Variants in TRAK1 observed in about 807,000 individuals in gnomAD.
TRAK1 encodes trafficking kinesin protein 1.
In TRAK1, 33 loss-of-function variants were observed where a neutral mutation model predicts 92.1. The ratio of observed to expected loss-of-function variants is 0.36; its 90% confidence interval spans 0.27 to 0.48. The LOEUF (loss-of-function observed/expected upper bound fraction) is 0.48. Ranked by LOEUF, TRAK1 falls within the 20% of genes least tolerant of loss-of-function variation. TRAK1 has a pLI of 0.99. For synonymous variants in TRAK1, 521 were observed against 517.3 expected (o/e 1.01, Z -0.10); for missense variants, 1,123 against 1,257.9 (o/e 0.89, Z 1.62).
chr3:42,110,348 T>C (rs1178754245), intron 1 of TRAK1, among the ~76,000 whole-genome samples: 1 of 151,622 alleles, frequency 6.6e-6, no homozygotes, highest in Non-Finnish European at 1.5e-5. Flanking sequence ...GATCTGGGGC[T>C]TCTGCTAAGG....
At chr3:42,059,172 G>A (rs1576205955) in intron 1 of TRAK1, among the ~76,000 whole-genome samples, 2 of 151,614 alleles carry the variant, frequency 1.3e-5, no homozygotes, top group African/African-American at 4.9e-5. Flanking sequence ...ATGGCTTGCC[G>A]TAGCCTCAAC....
chr3:42,073,965 G>C (rs914420300), intron 1 of TRAK1, among the ~76,000 whole-genome samples: 2 of 152,174 alleles, frequency 1.3e-5, no homozygotes, highest in Non-Finnish European at 2.9e-5. Flanking sequence ...AGCAGTCTCA[G>C]CGAGTCTTTG....
intron 14 of TRAK1, among the ~76,000 whole-genome samples, chr3:42,213,834 G>A (rs774621947): frequency 2.0e-5 from 3 of 152,192 alleles, no homozygotes; most frequent in Non-Finnish European, 4.4e-5. Flanking sequence ...GAGTTCCCAT[G>A]CTGTTGGGAA....
rs926306151 is a variant in TRAK1, at chr3:42,127,715, A to G, written c.286+2101A>G. Among the ~76,000 whole-genome samples, 4 of 152,316 alleles carry G rather than the reference A, an allele frequency of 2.6e-5. No homozygotes were observed. In the East Asian group the frequency reaches 7.7e-4, roughly 29 times the overall value. On this transcript the variant is annotated intron_variant, in intron 2 of 15. Coordinates refer to ENST00000327628, the MANE Select transcript of TRAK1 (RefSeq NM_001042646.3). ...TTACAGTGTAATTGGAAGACCATCC[A>G]TGGGCAACACCACACAATTTTCAGA... is the stretch of plus-strand genomic sequence containing the variant.
intron 2 of TRAK1, among the ~76,000 whole-genome samples, chr3:42,172,158 A>G (rs1453335493): frequency 6.6e-6 from 1 of 152,094 alleles, no homozygotes; most frequent in African/African-American, 2.4e-5. Flanking sequence ...TCCCTCCTCC[A>G]GCTCCTAGGA....
At chr3:42,141,598 C>G (rs973481532) in intron 2 of TRAK1, among the ~76,000 whole-genome samples, 67 of 152,160 alleles carry the variant, frequency 4.4e-4, no homozygotes, top group African/African-American at 1.6e-3. Context: ...GGTGTTGGTA[C>G]TGTTGGTTCC....
intron 3 of TRAK1, among the ~76,000 whole-genome samples, chr3:42,181,565 C>T (rs1436481685): frequency 7.9e-5 from 12 of 151,992 alleles, no homozygotes; most frequent in Non-Finnish European, 1.0e-4. Context: ...AAAAATGTGG[C>T]GAAGGCATGC....
intron 14 of TRAK1, chr3:42,210,229 C>G: frequency 3.9e-6 from 6 of 1,532,158 alleles, no homozygotes; most frequent in Non-Finnish European, 5.3e-6. Flanking sequence ...GGTTCTCTGT[C>G]TGTAGCTTCC....
At chr3:42,204,023 T>A (rs9853735) in intron 13 of TRAK1, 8 of 985,296 alleles carry the variant, frequency 8.1e-6, no homozygotes, top group Non-Finnish European at 9.6e-6. Context: ...GTGGGCTAGT[T>A]TGTTTTTATT....
rs1196746117 is a variant in TRAK1 at position 42,202,658 on chromosome 3, C to T, written c.1650C>T (p.His550=). 6.2e-7 allele frequency: 1 copy of T among 1,613,272 alleles called. No individual in the cohort carries two copies. The highest frequency in any genetic ancestry group is 8.5e-7 in the Non-Finnish European group (1 of 1,179,422). The change falls in exon 13 of 16, where the codon CAC becomes CAT. Residue 550 remains histidine, a synonymous_variant. Coordinates refer to ENST00000327628, the MANE Select transcript of TRAK1 (RefSeq NM_001042646.3). This position sits in a 1 kb window ranked among gnomAD's most constrained non-coding sequence, Gnocchi z 6.1. ...AGAGCATCATGTCCCTGGGCACGCACTCCCGCTTCTCCGAGTTCACCGGCT... is the reference window on the plus strand; with the variant it reads ...AGAGCATCATGTCCCTGGGCACGCATTCCCGCTTCTCCGAGTTCACCGGCT... ...PTESIMSLGT[H]SRFSEFTGFS... is the part of the protein sequence containing the mutation.
In TRAK1 at chr3:42,111,171, C is replaced by T. The variant is rs78342324; in HGVS notation, c.92-14249C>T. ...AGAAGGTCCAGAAGGAGTTGTGAAC[C>T]CAGAAAATCTGAGACGGTGAAAAAA... On this transcript the variant is annotated intron_variant, in intron 1 of 15. Coordinates refer to ENST00000327628, the MANE Select transcript of TRAK1 (RefSeq NM_001042646.3). 4.6e-3 allele frequency among the ~76,000 whole-genome samples: 695 copies of T among 152,164 alleles called. 5 individuals are homozygous for T. Among genetic ancestry groups the T allele is most frequent in the African/African-American group, 0.016 (658 of 41,504 alleles).
At position 42,202,096 on chromosome 3, in the gene TRAK1, A is replaced by G. The variant is rs951466556; in HGVS notation, c.1428-340A>G. Among the ~76,000 whole-genome samples, 1 of 152,146 alleles carries G rather than the reference A, an allele frequency of 6.6e-6. No homozygotes were observed. Among genetic ancestry groups the G allele is most frequent in the Non-Finnish European group, 1.5e-5 (1 of 68,018 alleles). On this transcript the variant is annotated intron_variant, in intron 12 of 15. Coordinates refer to ENST00000327628, the MANE Select transcript of TRAK1 (RefSeq NM_001042646.3). This position sits in a 1 kb window ranked among gnomAD's most constrained non-coding sequence, Gnocchi z 6.1. ...GAAGAGAGAAACATGCCTTAACCCC[A>G]TTATCCTTCTGGTAGCCAGGAACAG...
chr3:42,090,337 C>G (rs2133069), upstream of TRAK1, among the ~76,000 whole-genome samples: 97,398 of 152,110 alleles, frequency 0.64, 31,528 homozygotes, highest in South Asian at 0.8. Context: ...TGTTAAAGTG[C>G]TTTCACTTTC....
At chr3:42,117,701 C>T (rs146410509) in intron 1 of TRAK1, among the ~76,000 whole-genome samples, 3 of 152,174 alleles carry the variant, frequency 2.0e-5, no homozygotes, top group Non-Finnish European at 4.4e-5. Flanking sequence ...TTGGAATGAT[C>T]GCACTCCCTC....
chr3:42,151,065 T>A (rs1433300216), intron 2 of TRAK1, among the ~76,000 whole-genome samples: 1 of 152,212 alleles, frequency 6.6e-6, no homozygotes, highest in African/African-American at 2.4e-5. Context: ...AGGGATTGAA[T>A]ACATCCTCAC....
intron 10 of TRAK1, 59 bp from the exon 11 acceptor site, chr3:42,199,118 T>C: frequency 6.3e-7 from 1 of 1,599,214 alleles, no homozygotes. Context: ...ATACCTCTTT[T>C]AGAGACAGAG....
chr3:42,024,569 A>G (rs1392049358), intron 1 of TRAK1, among the ~76,000 whole-genome samples: 1 of 152,246 alleles, frequency 6.6e-6, no homozygotes. Context: ...TAACTTATTC[A>G]TGATATTAAC....
At chr3:42,068,237 C>T (rs973349901) in intron 1 of TRAK1, among the ~76,000 whole-genome samples, 10 of 152,144 alleles carry the variant, frequency 6.6e-5, no homozygotes, top group Non-Finnish European at 1.5e-4. Context: ...TAGCTCACTG[C>T]AGCCTTGAAC....
intron 1 of TRAK1, among the ~76,000 whole-genome samples, chr3:42,020,338 C>G (rs1701680100): frequency 6.6e-6 from 1 of 152,196 alleles, no homozygotes; most frequent in South Asian, 2.1e-4. Context: ...GATAACCACT[C>G]TTGTGACCTC....
Sources: allele counts gnomAD v4.1 joint callset (sites outside exome capture counted in the v4.1 genomes callset), GRCh38; gene constraint gnomAD v4.1.1; non-coding constraint Gnocchi (gnomAD v3.1); transcripts MANE v1.5; gene names NCBI Gene and HGNC (gene_info 2026-07-23, HGNC 2026-07-21).